The following WWOX variants were observed in gnomAD, a reference collection of about 807,000 sequenced individuals.
WWOX encodes WW domain-containing oxidoreductase.
In WWOX, 69 loss-of-function variants were observed where a neutral mutation model predicts 46.2. The ratio of observed to expected loss-of-function variants is 1.49; its 90% CI spans 1.23 to 1.82. The LOEUF is 1.82. Among genes scored for constraint, WWOX ranks in the 40% most tolerant of loss-of-function variants. The pLI is 0.00. For synonymous variants in WWOX, 359 were observed against 202.6 expected (o/e 1.77, Z -6.56); for missense variants, 919 against 542.6 (o/e 1.69, Z -6.89).
intron 8 of WWOX, among the ~76,000 whole-genome samples, chr16:78,721,191 T>C (rs1037737243): frequency 1.3e-5 from 2 of 152,224 alleles, no homozygotes; most frequent in Admixed American, 1.3e-4. Context: ...AAATATATTA[T>C]AGGCCATTAT....
chr16:78,350,843 C>T lies in WWOX; in HGVS notation c.517-36017C>T, dbSNP rs1033145823. 1.7e-5 allele frequency among the ~76,000 whole-genome samples: 2 copies of T among 120,380 alleles called. 1 individual carries two copies. The highest frequency in any genetic ancestry group is 4.0e-5 in the Non-Finnish European group (2 of 50,466). The allele number at this position is 120,380 out of a possible 152,430, so 79.0% of individuals were successfully genotyped here. A position where few individuals can be genotyped will look rare whatever the true frequency, so the allele number is the denominator to read the frequency against. On this transcript the variant is annotated intron_variant, in intron 5 of 8. Coordinates refer to ENST00000566780, the MANE Select transcript of WWOX (RefSeq NM_016373.4). ...AGTGCAATTTCTGGATCACGTGGAA[C>T]TCCTTGTTTAACCTTTTGAGGAGCC...
chr16:78,912,864 C>A lies in WWOX; in HGVS notation c.1057-298744C>A, dbSNP rs113932570. On this transcript the variant is annotated intron_variant, in intron 8 of 8. Coordinates refer to ENST00000566780, the MANE Select transcript of WWOX (RefSeq NM_016373.4). ...CAGACGTATTATCATTGGTTAGATG[C>A]CGTATCTTTAAAACACCATCAGCTT... Among the ~76,000 whole-genome samples the A allele has an allele frequency of 6.8e-3, 1,041 of 152,018 alleles. 11 individuals carry two copies. The highest frequency in any genetic ancestry group is 0.024 in the African/African-American group (979 of 41,530).
intron 8 of WWOX, among the ~76,000 whole-genome samples, chr16:78,441,388 T>C (rs762232278): frequency 2.9e-4 from 44 of 152,200 alleles, no homozygotes; most frequent in Non-Finnish European, 1.0e-4. Flanking sequence ...ATGTACTTCT[T>C]ATCATTTATC....
chr16:78,665,543 C>T (rs2047310565), intron 8 of WWOX, among the ~76,000 whole-genome samples: 1 of 152,038 alleles, frequency 6.6e-6, no homozygotes, highest in Non-Finnish European at 1.5e-5. Flanking sequence ...CAGATTCCAG[C>T]CTGCTGCATC....
chr16:78,117,673 A>G (rs79187355), intron 4 of WWOX, among the ~76,000 whole-genome samples: 1 of 152,188 alleles, frequency 6.6e-6, no homozygotes, highest in Non-Finnish European at 1.5e-5. Context: ...ATGCCAATTT[A>G]TAAATTGCTA....
At chr16:79,187,461 C>G (rs1010733131) in intron 8 of WWOX, among the ~76,000 whole-genome samples, 1 of 152,162 alleles carries the variant, frequency 6.6e-6, no homozygotes, top group Admixed American at 6.5e-5. Flanking sequence ...AGTGCAGCGG[C>G]GTGATCTCTG....
chr16:78,161,120 A>C (rs1597287962), intron 4 of WWOX, among the ~76,000 whole-genome samples: 1 of 152,172 alleles, frequency 6.6e-6, no homozygotes, highest in East Asian at 1.9e-4. Context: ...CGTGTTATAC[A>C]GTATACCTTT....
chr16:78,773,766 G>A (rs2050122769), intron 8 of WWOX, among the ~76,000 whole-genome samples: 1 of 152,186 alleles, frequency 6.6e-6, no homozygotes, highest in Non-Finnish European at 1.5e-5. Context: ...CAAACAAAGA[G>A]AAGCAAAAAC....
intron 8 of WWOX, among the ~76,000 whole-genome samples, chr16:78,698,355 T>G (rs1423288697): frequency 6.6e-6 from 1 of 152,228 alleles, no homozygotes; most frequent in Admixed American, 6.5e-5. Flanking sequence ...TTTTGGGGTA[T>G]CTTCCAGCCT....
chr16:78,108,298 C>G lies in WWOX; in HGVS notation c.108-125C>G, dbSNP rs539948301. Reference sequence around the variant, plus strand: ...CGTAGCTGGGGTCACAGTCCTCTTTCTCCTTCTTCCCCCTACTTCCTTCTT... The same window carrying G: ...CGTAGCTGGGGTCACAGTCCTCTTTGTCCTTCTTCCCCCTACTTCCTTCTT... On this transcript the variant is annotated intron_variant, in intron 1 of 8. Coordinates refer to ENST00000566780, the MANE Select transcript of WWOX (RefSeq NM_016373.4). 2.9e-5 allele frequency: 28 copies of G among 949,558 alleles called. No individual in the cohort carries two copies. In the South Asian group the frequency reaches 3.7e-4, roughly 13 times the overall value. 58.8% of individuals were successfully genotyped at this position (949,558 alleles called of 1,614,324 possible).
chr16:78,579,057 G>C (rs1258487013), intron 8 of WWOX, among the ~76,000 whole-genome samples: 2 of 151,918 alleles, frequency 1.3e-5, no homozygotes, highest in East Asian at 1.9e-4. Context: ...GTTTTTGTTT[G>C]TTTGTTTTTT....
intron 8 of WWOX, among the ~76,000 whole-genome samples, chr16:78,577,183 G>A (rs895869619): frequency 6.6e-6 from 1 of 152,166 alleles, no homozygotes; most frequent in Non-Finnish European, 1.5e-5. Context: ...ATTGGCTAAA[G>A]TCAGTTACAT....
At chr16:78,386,975 A>T in intron 6 of WWOX, 27 bp downstream of exon 6, 1 of 1,598,544 alleles carries the variant, frequency 6.3e-7, no homozygotes, top group South Asian at 1.1e-5. Context: ...AGGGTTATAG[A>T]TCATAATTTC....
chr16:78,750,381 C>T (rs1391608950), intron 8 of WWOX, among the ~76,000 whole-genome samples: 1 of 152,104 alleles, frequency 6.6e-6, no homozygotes, highest in East Asian at 1.9e-4. Flanking sequence ...GAAAGGATTT[C>T]CATTAGGATC....
At chr16:78,309,795 G>A (rs570619550) in intron 5 of WWOX, among the ~76,000 whole-genome samples, 2 of 152,222 alleles carry the variant, frequency 1.3e-5, no homozygotes, top group Non-Finnish European at 2.9e-5. Context: ...ACCCAGCAGT[G>A]TCTGTCTTGT....
At chr16:78,716,461 C>T (rs1489482653) in intron 8 of WWOX, among the ~76,000 whole-genome samples, 1 of 152,086 alleles carries the variant, frequency 6.6e-6, no homozygotes, top group African/African-American at 2.4e-5. Context: ...TGCTGCCTGC[C>T]CTTCAAGATG....
chr16:78,704,894 C>A (rs920941114), intron 8 of WWOX, among the ~76,000 whole-genome samples: 1 of 149,846 alleles, frequency 6.7e-6, no homozygotes, highest in African/African-American at 2.5e-5. Context: ...TTTTTAATTG[C>A]TGCTTCTTCC....
intron 8 of WWOX, among the ~76,000 whole-genome samples, chr16:79,192,319 TCATTCATTCATTCATTCATC>T (rs982913098): frequency 9.1e-5 from 5 of 54,724 alleles, no homozygotes; most frequent in Admixed American, 8.0e-4. Context: ...ATTCATTCAT[TCATTCATTCATTCATTCATC>T]CACCCATCCA....
chr16:79,025,130 T>G (rs1260214397), intron 8 of WWOX, among the ~76,000 whole-genome samples: 3 of 151,674 alleles, frequency 2.0e-5, no homozygotes, highest in Non-Finnish European at 4.4e-5. Flanking sequence ...TTTTGTTTTG[T>G]TTTGTTTTGT....
Sources: gnomAD v4.1 joint callset for allele counts (sites outside exome capture counted in the v4.1 genomes callset) on GRCh38, gnomAD v4.1.1 for gene constraint, MANE v1.5 for transcripts, NCBI Gene and HGNC (gene_info 2026-07-23, HGNC 2026-07-21) for gene names.